Variants in ZIC1 observed in about 807,000 individuals in gnomAD.
ZIC1 encodes Zic family zinc finger 1.
ZIC1 carries 4 observed loss-of-function variants against 30.9 expected under a neutral mutation model. That is an observed-to-expected ratio of 0.13 (90% CI 0.06 to 0.30). ZIC1 has a LOEUF of 0.30. Among genes scored for constraint, ZIC1 ranks in the 10% least tolerant of loss-of-function variants. The pLI is 1.00. For missense variants in ZIC1, 441 were observed against 639.3 expected (o/e 0.69, Z 3.34); for synonymous variants, 305 against 277.5 (o/e 1.10, Z -0.98).
In ZIC1 at chr3:147,415,636, T is replaced by C. The variant is rs113405776; in HGVS notation, c.*2085T>C. The stretch of plus-strand genomic sequence containing the variant: ...TGACCTCACTGGGCAAGGGTGGCCA[T>C]GGACCTGATTCTTTAATGCACTCTA... On this transcript the variant is annotated 3_prime_UTR_variant, in exon 3 of 3. Transcript: ENST00000282928. 1,220 of 152,658 alleles carry C rather than the reference T, an allele frequency of 8.0e-3. 6 individuals are homozygous for C. The highest frequency in any genetic ancestry group is 0.012 in the Non-Finnish European group (844 of 68,040). 9.5% of individuals were successfully genotyped at this position (152,658 alleles called of 1,614,324 possible).
chr3:147,411,290 G>A (rs916988754), intron 1 of ZIC1, among the ~76,000 whole-genome samples, 196 bp downstream of exon 1: 1 of 152,154 alleles, frequency 6.6e-6, no homozygotes, highest in Non-Finnish European at 1.5e-5. Context: ...CACACACAGG[G>A]CGGACGAGGA....
rs780396991 is a variant in ZIC1, at chr3:147,413,461, C to G, written c.1254C>G (p.Thr418=). The change falls in exon 3 of 3, where the codon ACC becomes ACG. Residue 418 remains threonine, a synonymous_variant. Coordinates refer to ENST00000282928, the MANE Select transcript of ZIC1 (RefSeq NM_003412.4). The stretch of plus-strand genomic sequence containing the variant: ...TGTCTCCCTCCACAGACAACCCGAC[C>G]ACAAGCTCCTTATCGCCCTCCTCCT... The part of the protein sequence containing the change: ...TIVSPSTDNP[T]TSSLSPSSSA... The G allele has an allele frequency of 1.2e-6, 2 of 1,614,214 alleles. No individual in the cohort carries two copies. Among genetic ancestry groups the G allele is most frequent in the East Asian group, 4.5e-5 (2 of 44,874 alleles).
intron 2 of ZIC1, among the ~76,000 whole-genome samples, 162 bp from the exon 3 acceptor site, chr3:147,413,192 C>A (rs1008993979): frequency 1.3e-5 from 2 of 152,204 alleles, no homozygotes; most frequent in South Asian, 4.1e-4. Flanking sequence ...TTTCTGCAGG[C>A]CTGTGCAGAG....
At position 147,414,917 on chromosome 3, in the gene ZIC1, C is replaced by G. The variant is rs941201458; in HGVS notation, c.*1366C>G. The stretch of plus-strand genomic sequence containing the variant: ...CTCGCTCTGCAACATTGCAAATGAA[C>G]TTGCAGCCGAGGGTTCCGCTGCCCC... On this transcript the variant is annotated 3_prime_UTR_variant, in exon 3 of 3. Transcript: ENST00000282928. 6.6e-6 allele frequency: 1 copy of G among 152,666 alleles called. No individual in the cohort carries two copies. The highest frequency in any genetic ancestry group is 2.1e-4 in the South Asian group (1 of 4,830). 9.5% of individuals were successfully genotyped at this position (152,666 alleles called of 1,614,324 possible). A position where few individuals can be genotyped will look rare whatever the true frequency, so the allele number is the denominator to read the frequency against.
In ZIC1 at chr3:147,413,281, G is replaced by T. The variant is rs931102113; in HGVS notation, c.1147-73G>T. 14 of 1,523,168 alleles carry T rather than the reference G, an allele frequency of 9.2e-6. No homozygotes were observed. The African/African-American group carries it at 1.5e-4, about 16-fold the overall frequency. 94.4% of individuals were successfully genotyped at this position (1,523,168 alleles called of 1,614,324 possible). ...AAGGGGTCCAGGAGGAAGGGCACTC[G>T]CGGCCTTCGCCTCTCTAGTCGGCCG... is the stretch of plus-strand genomic sequence containing the variant. On this transcript the variant is annotated intron_variant, in intron 2 of 2. Transcript: ENST00000282928.
In ZIC1 at chr3:147,414,129, A is replaced by C. The variant is rs2087411342; in HGVS notation, c.*578A>C. 1 of 152,368 alleles carries C rather than the reference A, an allele frequency of 6.6e-6. No homozygotes were observed. The highest frequency in any genetic ancestry group is 2.4e-5 in the African/African-American group (1 of 41,374). 9.4% of individuals were successfully genotyped at this position (152,368 alleles called of 1,614,324 possible). The stretch of plus-strand genomic sequence containing the variant: ...AATGTTCTAGTAAATGTGTACCAAA[A>C]TGTGAATTACTTTGTACGATTACAG... On this transcript the variant is annotated 3_prime_UTR_variant, in exon 3 of 3. Transcript: ENST00000282928.
Position 147,410,345 on chromosome 3 carries a change from G to A in ZIC1, c.233G>A (p.Gly78Asp). 1 of 1,600,674 alleles carries A rather than the reference G, an allele frequency of 6.2e-7. No individual in the cohort carries two copies. The highest frequency in any genetic ancestry group is 8.5e-7 in the Non-Finnish European group (1 of 1,179,472). The stretch of plus-strand genomic sequence containing the variant: ...GGCTACGCGGCTGCTGCGGCCCTGG[G>A]CCATCACCATCACCCGGGCCACGTC... The part of the protein sequence containing the change: ...APGYAAAAAL[G>D]HHHHPGHVGS... Residue 78 changes from glycine to aspartate, a missense_variant, in exon 1 of 3, where the codon GGC becomes GAC. Transcript: ENST00000282928.
In ZIC1 at chr3:147,413,703, G is replaced by A; in HGVS notation, c.*152G>A. 1.2e-6 allele frequency: 1 copy of A among 819,034 alleles called. No individual in the cohort carries two copies. Among genetic ancestry groups the A allele is most frequent in the East Asian group, 3.1e-5 (1 of 32,338 alleles). The allele number at this position is 819,034 out of a possible 1,614,324, so 50.7% of individuals were successfully genotyped here. A position where few individuals can be genotyped will look rare whatever the true frequency, so the allele number is the denominator to read the frequency against. ...AAATCTGCCAATAGACCCAGGACGA[G>A]TAAGAGAGGAAGCATCAACCTTTTA... On this transcript the variant is annotated 3_prime_UTR_variant, in exon 3 of 3. Transcript: ENST00000282928.
At chr3:147,411,116 C>A (rs764819528) in intron 1 of ZIC1, 22 bp downstream of exon 1, 1 of 1,596,220 alleles carries the variant, frequency 6.3e-7, no homozygotes, top group Non-Finnish European at 8.5e-7. Context: ...GCTGTAGGAC[C>A]CCTACCCATT....
Position 147,410,118 on chromosome 3 carries a change from C to A in ZIC1, c.6C>A (p.Leu2=). M[L]LDAGPQYPAI... ...GCTCGCCCCGAGCAGCCACGATGCT[C>A]CTGGACGCCGGCCCCCAGTACCCAG... Residue 2 remains leucine, a synonymous_variant, in exon 1 of 3, where the codon CTC becomes CTA. Coordinates refer to ENST00000282928, the MANE Select transcript of ZIC1 (RefSeq NM_003412.4). 6.5e-7 allele frequency: 1 copy of A among 1,549,856 alleles called. No individual in the cohort carries two copies. Among genetic ancestry groups the A allele is most frequent in the Non-Finnish European group, 8.6e-7 (1 of 1,156,812 alleles).
Position 147,410,757 on chromosome 3 carries a change from C to G in ZIC1, c.645C>G (p.Arg215=). ...AAHHGAGAFF[R]YMRQPIKQEL... ...ATCACGGCGCCGGCGCCTTCTTCCG[C>G]TACATGCGCCAACCCATCAAGCAAG... Residue 215 remains arginine, a synonymous_variant, in exon 1 of 3, where the codon CGC becomes CGG. Transcript: ENST00000282928. The G allele has an allele frequency of 6.2e-7, 1 of 1,614,228 alleles. No homozygotes were observed. Among genetic ancestry groups the G allele is most frequent in the South Asian group, 1.1e-5 (1 of 91,086 alleles).
At chr3:147,411,859 G>T (rs2087382715) in intron 1 of ZIC1, among the ~76,000 whole-genome samples, 1 of 151,994 alleles carries the variant, frequency 6.6e-6, no homozygotes, top group Non-Finnish European at 1.5e-5. Context: ...CGAGCTCAGG[G>T]TTGTAGCCTG....
rs1239803828 is a variant in ZIC1 at position 147,410,927 on chromosome 3, T to G, written c.815T>G (p.Phe272Cys). ...CCGGAGCAGAGTAATCACATCTGCT[T>G]CTGGGAGGAGTGTCCGCGCGAGGGC... ...GGPEQSNHIC[F>C]WEECPREGKP... is the part of the protein sequence containing the mutation. Residue 272 changes from phenylalanine to cysteine, a missense_variant, in exon 1 of 3, where the codon TTC (phenylalanine) becomes TGC (cysteine). Transcript: ENST00000282928. 6.2e-7 allele frequency: 1 copy of G among 1,614,250 alleles called. No individual in the cohort carries two copies. Among genetic ancestry groups the G allele is most frequent in the Admixed American group, 1.7e-5 (1 of 60,028 alleles).
chr3:147,410,516 C>T lies in ZIC1; in HGVS notation c.404C>T (p.Thr135Met). 2 of 1,608,062 alleles carry T rather than the reference C, an allele frequency of 1.2e-6. No homozygotes were observed. Among genetic ancestry groups the T allele is most frequent in the Non-Finnish European group, 1.7e-6 (2 of 1,178,900 alleles). The part of the protein sequence containing the change: ...AGGFGGPHGH[T>M]DAAGHLLFPG... ...GGCTTCGGGGGCCCACACGGCCACA[C>T]GGACGCCGCGGGCCACCTCCTCTTC... Residue 135 changes from threonine (T) to methionine (M), a missense_variant, in exon 1 of 3, where the codon ACG becomes ATG. By Grantham distance (81) the Thr-to-Met change is moderately conservative. Coordinates refer to ENST00000282928, the MANE Select transcript of ZIC1 (RefSeq NM_003412.4).
intron 1 of ZIC1, among the ~76,000 whole-genome samples, chr3:147,411,401 G>C (rs1213285655): frequency 6.6e-6 from 1 of 152,202 alleles, no homozygotes; most frequent in Non-Finnish European, 1.5e-5. Context: ...CGAAGCCGGA[G>C]AAAGTGGCTG....
Position 147,412,663 on chromosome 3 carries a change from G to T in ZIC1, c.1128G>T (p.Ser376=), listed in dbSNP as rs1335883561. The T allele has an allele frequency of 1.2e-6, 2 of 1,613,364 alleles. No homozygotes were observed. Among genetic ancestry groups the T allele is most frequent in the Non-Finnish European group, 1.7e-6 (2 of 1,179,462 alleles). ...MCDKSYTHPS[S]LRKHMKVHES... ...ACAAGTCCTACACGCATCCCAGTTC[G>T]CTGCGCAAACACATGAAGGTAATCG... The change falls in exon 2 of 3, where the codon TCG becomes TCT. Residue 376 remains serine, a synonymous_variant. Coordinates refer to ENST00000282928, the MANE Select transcript of ZIC1 (RefSeq NM_003412.4).
In ZIC1 at chr3:147,410,951, G is replaced by A; in HGVS notation, c.839G>A (p.Gly280Asp). The A allele has an allele frequency of 6.2e-7, 1 of 1,614,280 alleles. No individual in the cohort carries two copies. Among genetic ancestry groups the A allele is most frequent in the Non-Finnish European group, 8.5e-7 (1 of 1,180,056 alleles). ...ICFWEECPRE[G>D]KPFKAKYKLV... is the part of the protein sequence containing the mutation. The stretch of plus-strand genomic sequence containing the variant: ...TTCTGGGAGGAGTGTCCGCGCGAGG[G>A]CAAGCCCTTCAAAGCCAAATACAAA... Residue 280 changes from glycine to aspartate, a missense_variant, in exon 1 of 3, where the codon GGC (glycine) becomes GAC (aspartate). Physicochemically the swap from Gly to Asp is moderately conservative, Grantham distance 94. Coordinates refer to ENST00000282928, the MANE Select transcript of ZIC1 (RefSeq NM_003412.4).
At position 147,410,057 on chromosome 3, in the gene ZIC1, C is replaced by A; in HGVS notation, c.-56C>A. On this transcript the variant is annotated 5_prime_UTR_variant, in exon 1 of 3. Transcript: ENST00000282928. ...CCTCCTCCTCCCGATTTTCCCTCCTCGGCTGGCGAGGGTGGGGGGGGCGGG... is the reference window on the plus strand; with the variant it reads ...CCTCCTCCTCCCGATTTTCCCTCCTAGGCTGGCGAGGGTGGGGGGGGCGGG... 7.6e-7 allele frequency: 1 copy of A among 1,313,666 alleles called. No individual in the cohort carries two copies. The highest frequency in any genetic ancestry group is 1.6e-5 in the South Asian group (1 of 63,478). The allele number at this position is 1,313,666 out of a possible 1,614,324, so 81.4% of individuals were successfully genotyped here. A position where few individuals can be genotyped will look rare whatever the true frequency, so the allele number is the denominator to read the frequency against.
At position 147,410,516 on chromosome 3, in the gene ZIC1, C is replaced by A. The variant is rs1576469586; in HGVS notation, c.404C>A (p.Thr135Lys). The change falls in exon 1 of 3, where the codon ACG becomes AAG. Residue 135 changes from threonine (T) to lysine (K), a missense_variant. Transcript: ENST00000282928. ...AGGFGGPHGH[T>K]DAAGHLLFPG... ...GGCTTCGGGGGCCCACACGGCCACA[C>A]GGACGCCGCGGGCCACCTCCTCTTC... 1 of 1,608,064 alleles carries A rather than the reference C, an allele frequency of 6.2e-7. No individual in the cohort carries two copies. The highest frequency in any genetic ancestry group is 2.2e-5 in the East Asian group (1 of 44,796).
Sources: gnomAD v4.1 joint callset for allele counts (sites outside exome capture counted in the v4.1 genomes callset) on GRCh38, gnomAD v4.1.1 for gene constraint, MANE v1.5 for transcripts, NCBI Gene and HGNC (gene_info 2026-07-23, HGNC 2026-07-21) for gene names.